Variants in IQANK1 observed in about 807,000 individuals in gnomAD.
IQANK1 encodes the protein IQ motif and ankyrin repeat domain-containing protein 1.
A neutral mutation model predicts 22.6 loss-of-function variants in IQANK1; 30 were observed. That is an observed-to-expected ratio of 1.33 (90% CI 0.99 to 1.80). IQANK1 has a LOEUF of 1.80. Ranked by LOEUF, IQANK1 falls within the 40% of genes most tolerant of loss-of-function variation. IQANK1 has a pLI of 0.00. For missense variants in IQANK1, 275 were observed against 235.2 expected (o/e 1.17, Z -1.11); for synonymous variants, 122 against 99.6 (o/e 1.23, Z -1.34).
In IQANK1 at chr8:143,790,619, A is replaced by G. The variant is rs1475130558; in HGVS notation, c.*11A>G. On this transcript the variant is annotated 3_prime_UTR_variant, in exon 14 of 14. Transcript: ENST00000527139. ...GGCACAGGCCTCTAGTGCTGGCCCC[A>G]GTCCCAATAAAACGTGTGCCCCGGG... The G allele has an allele frequency of 2.5e-6, 1 of 398,626 alleles. No homozygotes were observed. Among genetic ancestry groups the G allele is most frequent in the Non-Finnish European group, 4.4e-6 (1 of 226,078 alleles). The allele number at this position is 398,626 out of a possible 1,614,324, so 24.7% of individuals were successfully genotyped here. A position where few individuals can be genotyped will look rare whatever the true frequency, so the allele number is the denominator to read the frequency against.
intron 3 of IQANK1, among the ~76,000 whole-genome samples, chr8:143,764,215 C>T (rs948199282): frequency 7.2e-5 from 11 of 152,042 alleles, no homozygotes; most frequent in South Asian, 4.1e-4. Context: ...AGAAAAAAAA[C>T]GAACAAAACC....
In IQANK1 at chr8:143,771,712, C is replaced by A. The variant is rs1554629793; in HGVS notation, c.307-89C>A. 5.0e-6 allele frequency: 2 copies of A among 397,112 alleles called. No individual in the cohort carries two copies. The highest frequency in any genetic ancestry group is 8.9e-6 in the Non-Finnish European group (2 of 225,424). 24.6% of individuals were successfully genotyped at this position (397,112 alleles called of 1,614,324 possible). On this transcript the variant is annotated intron_variant, in intron 4 of 13. Coordinates refer to ENST00000527139, the MANE Select transcript of IQANK1 (RefSeq NM_001381874.1). This position sits in a 1 kb window ranked among gnomAD's most constrained non-coding sequence, Gnocchi z 6.0. ...TGCGTGGTGGGGGTGAGGCTCAGAT[C>A]GGGCTCCGACCTCAGAGGCGTGGAC...
At chr8:143,745,671 C>T (rs1184705206) in intron 3 of IQANK1, 2 of 152,238 alleles carry the variant, frequency 1.3e-5, no homozygotes, top group Non-Finnish European at 2.9e-5. Context: ...GATCTGCCCT[C>T]AGCCTCCCAA....
chr8:143,737,000 G>A (rs782477967), intron 2 of IQANK1, among the ~76,000 whole-genome samples: 6 of 152,132 alleles, frequency 3.9e-5, no homozygotes, highest in Non-Finnish European at 1.5e-5. Context: ...AACACCCCTG[G>A]TTGCCAGAGA....
intron 2 of IQANK1, chr8:143,739,572 C>A: frequency 2.8e-6 from 1 of 353,552 alleles, no homozygotes; most frequent in South Asian, 7.7e-5. Flanking sequence ...GTCCTTCTAG[C>A]AGAGGCACCA....
intron 3 of IQANK1, among the ~76,000 whole-genome samples, chr8:143,760,124 G>A (rs1819367880): frequency 6.6e-6 from 1 of 152,200 alleles, no homozygotes; most frequent in Non-Finnish European, 1.5e-5. Context: ...GAAAGCGCAG[G>A]ATGTCGCCCT....
chr8:143,748,809 T>C (rs1819101741), intron 3 of IQANK1, among the ~76,000 whole-genome samples: 1 of 116,528 alleles, frequency 8.6e-6, no homozygotes, highest in African/African-American at 3.6e-5. Flanking sequence ...ATATATATCA[T>C]ATAAATATAT....
At chr8:143,778,456 A>T (rs1247388452) in intron 7 of IQANK1, among the ~76,000 whole-genome samples, 3 of 152,238 alleles carry the variant, frequency 2.0e-5, no homozygotes, top group African/African-American at 7.2e-5. Context: ...ATGAGGACAT[A>T]AAAATCCTAA....
At chr8:143,779,141 T>A (rs549767590) in intron 7 of IQANK1, among the ~76,000 whole-genome samples, 4 of 152,166 alleles carry the variant, frequency 2.6e-5, no homozygotes, top group Non-Finnish European at 5.9e-5. Flanking sequence ...TAAACATATA[T>A]AAATTTATAA....
At chr8:143,747,903 G>A (rs1243345897) in intron 3 of IQANK1, among the ~76,000 whole-genome samples, 1 of 121,884 alleles carries the variant, frequency 8.2e-6, no homozygotes, top group Admixed American at 8.2e-5. Context: ...TTGGTTGATT[G>A]TGTTAAGTCC....
At position 143,789,776 on chromosome 8, in the gene IQANK1, G is replaced by C. The variant is rs368360097; in HGVS notation, c.1102G>C (p.Glu368Gln). Residue 368 changes from glutamate to glutamine, a missense_variant, in exon 11 of 14, where the codon GAG becomes CAG. Glu to Gln is a conservative substitution (Grantham distance 29). Transcript: ENST00000527139. ...KLTLQAIKDT[E>Q]AQVDRLRQEA... ...CCTCCTCCAGGCCATCAAGGACACA[G>C]AGGCCCAGGTGGACAGGCTGCGGCA... 18 of 1,232,184 alleles carry C rather than the reference G, an allele frequency of 1.5e-5. No homozygotes were observed. The East Asian group carries it at 2.8e-4, about 19-fold the overall frequency. The allele number at this position is 1,232,184 out of a possible 1,614,324, so 76.3% of individuals were successfully genotyped here. A position where few individuals can be genotyped will look rare whatever the true frequency, so the allele number is the denominator to read the frequency against.
chr8:143,789,300 G>A, intron 9 of IQANK1, 57 bp downstream of exon 9: 1 of 416,164 alleles, frequency 2.4e-6, no homozygotes, highest in Non-Finnish European at 4.1e-6. Flanking sequence ...GGGTGGGGAG[G>A]AGGGGGAGCC....
chr8:143,734,931 T>C (rs1427374940), intron 1 of IQANK1, among the ~76,000 whole-genome samples: 1 of 147,282 alleles, frequency 6.8e-6, no homozygotes, highest in Non-Finnish European at 1.5e-5. Flanking sequence ...CCTCCCCCTC[T>C]TAGGCCCTGC....
chr8:143,766,823 C>T (rs1480298275), intron 3 of IQANK1, among the ~76,000 whole-genome samples: 3 of 152,156 alleles, frequency 2.0e-5, no homozygotes, highest in South Asian at 2.1e-4. Context: ...TTTTGCCTTC[C>T]GGTGCGATCA....
At chr8:143,773,925 G>T (rs1484157198) in intron 7 of IQANK1, among the ~76,000 whole-genome samples, 1 of 152,184 alleles carries the variant, frequency 6.6e-6, no homozygotes, top group Non-Finnish European at 1.5e-5. Context: ...AAGGGCAGCA[G>T]CTGGGGGTGC....
intron 3 of IQANK1, among the ~76,000 whole-genome samples, chr8:143,769,456 C>A (rs1215980804): frequency 2.6e-5 from 4 of 152,210 alleles, no homozygotes; most frequent in African/African-American, 9.6e-5. Flanking sequence ...CTCAGCCTCC[C>A]AATGTGCTGG....
At chr8:143,765,687 G>C (rs1445723214) in intron 3 of IQANK1, among the ~76,000 whole-genome samples, 1 of 152,132 alleles carries the variant, frequency 6.6e-6, no homozygotes, top group Non-Finnish European at 1.5e-5. Context: ...GTTATTTTTA[G>C]ATAAGCAGAA....
chr8:143,780,123 C>T (rs1819768818), intron 7 of IQANK1, among the ~76,000 whole-genome samples: 1 of 152,106 alleles, frequency 6.6e-6, no homozygotes, highest in Non-Finnish European at 1.5e-5. Flanking sequence ...CAGAACACCA[C>T]ACCTCTCCCC....
At chr8:143,761,808 G>GT (rs11418981) in intron 3 of IQANK1, among the ~76,000 whole-genome samples, 87,352 of 146,176 alleles carry the variant, frequency 0.6, 28,789 homozygotes, top group Non-Finnish European at 0.75. Context: ...AAATTTCAGT[G>GT]TTTTTTTTTT....
Sources: allele counts gnomAD v4.1 joint callset (sites outside exome capture counted in the v4.1 genomes callset), GRCh38; gene constraint gnomAD v4.1.1; non-coding constraint Gnocchi (gnomAD v3.1); transcripts MANE v1.5; gene names NCBI Gene and HGNC (gene_info 2026-07-23, HGNC 2026-07-21).